GRM5: variants seen among roughly 807,000 people sequenced by gnomAD.
The protein encoded by GRM5 is metabotropic glutamate receptor 5.
GRM5 carries 19 observed loss-of-function variants against 83.1 expected under a neutral mutation model. The ratio of observed to expected loss-of-function variants is 0.23; its 90% CI spans 0.16 to 0.34. The LOEUF (loss-of-function observed/expected upper bound fraction) is 0.34, where lower values mean the gene tolerates loss of function less well. Ranked by LOEUF, GRM5 falls within the 10% of genes least tolerant of loss-of-function variation. The pLI is 1.00. For missense variants in GRM5, 1,160 were observed against 1,588.3 expected (o/e 0.73, Z 4.58); for synonymous variants, 675 against 633.6 (o/e 1.07, Z -0.98).
At chr11:88,693,704 C>A (rs190469902) in intron 3 of GRM5, among the ~76,000 whole-genome samples, 1 of 152,230 alleles carries the variant, frequency 6.6e-6, no homozygotes, top group African/African-American at 2.4e-5. Flanking sequence ...AATTTTCAGT[C>A]CCTAAGGAAA....
chr11:88,634,487 T>TA (rs1255132861), intron 4 of GRM5, among the ~76,000 whole-genome samples: 4 of 152,138 alleles, frequency 2.6e-5, no homozygotes, highest in African/African-American at 9.7e-5. Flanking sequence ...ATGTTTTTGT[T>TA]AAAAACCAAG....
intron 3 of GRM5, among the ~76,000 whole-genome samples, chr11:88,847,535 T>C (rs1209623058): frequency 1.3e-5 from 2 of 151,942 alleles, no homozygotes; most frequent in Non-Finnish European, 2.9e-5. Context: ...AGTTGGAGAG[T>C]ACTGAGGACC....
At chr11:88,796,780 A>G (rs1041841080) in intron 3 of GRM5, among the ~76,000 whole-genome samples, 1 of 152,058 alleles carries the variant, frequency 6.6e-6, no homozygotes, top group Non-Finnish European at 1.5e-5. Context: ...CTTTGTCACA[A>G]GTTGACTTCT....
chr11:88,808,245 C>G (rs1432281312), intron 3 of GRM5, among the ~76,000 whole-genome samples: 2 of 151,950 alleles, frequency 1.3e-5, no homozygotes, highest in East Asian at 1.9e-4. Context: ...TTTGAAATGA[C>G]TTTATTTTCT....
chr11:89,005,377 G>T (rs1188413360), intron 2 of GRM5, among the ~76,000 whole-genome samples: 2 of 152,172 alleles, frequency 1.3e-5, no homozygotes, highest in Admixed American at 6.5e-5. Flanking sequence ...CCACTTGCTT[G>T]TATTAGTTTG....
At chr11:89,052,394 A>C (rs888448008) in intron 1 of GRM5, among the ~76,000 whole-genome samples, 2 of 152,176 alleles carry the variant, frequency 1.3e-5, no homozygotes, top group Non-Finnish European at 2.9e-5. Flanking sequence ...AAGTAAGATA[A>C]AGTGAGAGTA....
chr11:88,651,123 G>A (rs1939620529), intron 4 of GRM5, among the ~76,000 whole-genome samples: 1 of 151,962 alleles, frequency 6.6e-6, no homozygotes, highest in Admixed American at 6.6e-5. Context: ...ACAGCAGCAA[G>A]GTCAAGGGAG....
At chr11:88,533,509 A>G (rs754185250) in intron 8 of GRM5, among the ~76,000 whole-genome samples, 1 of 152,124 alleles carries the variant, frequency 6.6e-6, no homozygotes, top group Non-Finnish European at 1.5e-5. Context: ...AAAATAATTT[A>G]TATTTTACTT....
At chr11:88,718,378 C>T (rs1302824375) in intron 3 of GRM5, among the ~76,000 whole-genome samples, 1 of 151,800 alleles carries the variant, frequency 6.6e-6, no homozygotes, top group Non-Finnish European at 1.5e-5. Flanking sequence ...ACCTGTTCCT[C>T]CCTCTATTTT....
chr11:88,723,656 CT>C (rs1345259907), intron 3 of GRM5, among the ~76,000 whole-genome samples: 2 of 151,998 alleles, frequency 1.3e-5, no homozygotes, highest in Non-Finnish European at 2.9e-5. Context: ...CAACTTTTCA[CT>C]GTGGAACATT....
At chr11:88,839,331 A>G (rs1294972695) in intron 3 of GRM5, among the ~76,000 whole-genome samples, 4 of 152,218 alleles carry the variant, frequency 2.6e-5, no homozygotes, top group Non-Finnish European at 5.9e-5. Flanking sequence ...CCAATGAGCT[A>G]CCTTCCTTAA....
intron 4 of GRM5, among the ~76,000 whole-genome samples, chr11:88,613,066 G>A (rs1019393300): frequency 6.6e-6 from 1 of 152,074 alleles, no homozygotes; most frequent in Non-Finnish European, 1.5e-5. Flanking sequence ...AGGGTGTGTT[G>A]GGTATGATGT....
intron 3 of GRM5, among the ~76,000 whole-genome samples, chr11:88,719,837 T>TAA (rs1941491308): frequency 6.6e-6 from 1 of 152,114 alleles, no homozygotes; most frequent in Non-Finnish European, 1.5e-5. Context: ...TTTTATCATA[T>TAA]AATTGTTGGC....
At chr11:88,723,481 G>T (rs1333574340) in intron 3 of GRM5, among the ~76,000 whole-genome samples, 2 of 152,034 alleles carry the variant, frequency 1.3e-5, no homozygotes, top group Non-Finnish European at 2.9e-5. Flanking sequence ...AAGTGGCTAT[G>T]CCATTTCGAA....
intron 4 of GRM5, among the ~76,000 whole-genome samples, chr11:88,628,237 T>C (rs1247693264): frequency 6.6e-6 from 1 of 152,228 alleles, no homozygotes; most frequent in Non-Finnish European, 1.5e-5. Context: ...TTATCATGTG[T>C]AACCTTGTAT....
chr11:88,648,658 A>T (rs967444536), intron 4 of GRM5, among the ~76,000 whole-genome samples: 15 of 118,276 alleles, frequency 1.3e-4, no homozygotes, highest in East Asian at 6.1e-4. Flanking sequence ...TATAATAAAA[A>T]AAAAAAAAGA....
intron 3 of GRM5, among the ~76,000 whole-genome samples, chr11:88,694,553 AT>A (rs5793343): frequency 3.6e-4 from 53 of 147,784 alleles, no homozygotes; most frequent in Middle Eastern, 3.5e-3. Context: ...TTAGAGAACT[AT>A]TTTTTTTTTT....
intron 2 of GRM5, among the ~76,000 whole-genome samples, chr11:88,917,197 C>T (rs186119864): frequency 1.3e-5 from 2 of 152,298 alleles, no homozygotes; most frequent in African/African-American, 4.8e-5. Context: ...ACTTTACCTG[C>T]TAATACTGGG....
At chr11:88,577,928 T>A (rs1211292223) in intron 7 of GRM5, among the ~76,000 whole-genome samples, 1 of 152,084 alleles carries the variant, frequency 6.6e-6, no homozygotes, top group Non-Finnish European at 1.5e-5. Flanking sequence ...ATCTCAAGGA[T>A]TAGTGTGAGG....
Sources: gnomAD v4.1 joint callset for allele counts (sites outside exome capture counted in the v4.1 genomes callset) on GRCh38, gnomAD v4.1.1 for gene constraint, MANE v1.5 for transcripts, NCBI Gene and HGNC (gene_info 2026-07-23, HGNC 2026-07-21) for gene names.